Variants in LRRFIP1 observed in about 807,000 individuals in gnomAD.
LRRFIP1 encodes the protein leucine-rich repeat flightless-interacting protein 1.
In LRRFIP1, 62 loss-of-function variants were observed where a neutral mutation model predicts 104.4. The observed-to-expected ratio is 0.59, with a 90% CI of 0.48 to 0.73. The LOEUF is 0.73. LRRFIP1 is among the 30% of genes least tolerant of loss of function. LRRFIP1 has a pLI of 0.00. For missense variants in LRRFIP1, 796 were observed against 824.5 expected (o/e 0.97, Z 0.42); for synonymous variants, 300 against 299.0 (o/e 1.00, Z -0.03).
intron 2 of LRRFIP1, 65 bp from the exon 3 acceptor site, chr2:237,714,194 A>G (rs936795835): frequency 2.6e-6 from 3 of 1,163,030 alleles, no homozygotes; most frequent in Non-Finnish European, 3.8e-6. Flanking sequence ...AGAACCTTTC[A>G]TTCTGATGTT....
Position 237,642,423 on chromosome 2 carries a change from G to A in LRRFIP1, c.96+14683G>A, listed in dbSNP as rs536170577. Among the ~76,000 whole-genome samples the A allele has an allele frequency of 1.2e-4, 18 of 152,002 alleles. No individual in the cohort carries two copies. The East Asian group carries it at 2.7e-3, about 23-fold the overall frequency. ...TCCAGGCTCCAGGTTCCAGGCTAAG[G>A]GTTTCAGCTTCCGGGTTCCAGGCTC... On this transcript the variant is annotated intron_variant, in intron 1 of 23. Transcript: ENST00000308482.
Position 237,698,475 on chromosome 2 carries a change from G to A in LRRFIP1, c.97-10069G>A, listed in dbSNP as rs570543310. Among the ~76,000 whole-genome samples the A allele has an allele frequency of 1.2e-4, 19 of 152,334 alleles. No homozygotes were observed. In the East Asian group the frequency reaches 3.1e-3, roughly 25 times the overall value. ...GCAGCCATAGCTGAGAGAAGCAGTCGGCACCCAGCATTTCTTGGACTTGTC... is the reference window on the plus strand; with the variant it reads ...GCAGCCATAGCTGAGAGAAGCAGTCAGCACCCAGCATTTCTTGGACTTGTC... On this transcript the variant is annotated intron_variant, in intron 1 of 23. Transcript: ENST00000308482.
At chr2:237,765,955 C>G (rs531247399) in intron 19 of LRRFIP1, 1 of 976,858 alleles carries the variant, frequency 1.0e-6, no homozygotes, top group African/African-American at 1.8e-5. Context: ...AAGTCTGAGT[C>G]TGACTACTGT....
intron 1 of LRRFIP1, among the ~76,000 whole-genome samples, chr2:237,695,474 A>G (rs1485073184): frequency 1.3e-5 from 2 of 152,236 alleles, no homozygotes; most frequent in African/African-American, 4.8e-5. Context: ...TTGGTCCTCA[A>G]AAGGCAATGT....
At chr2:237,770,506 G>A (rs907854614) in intron 20 of LRRFIP1, 2 of 155,272 alleles carry the variant, frequency 1.3e-5, no homozygotes, top group Admixed American at 6.4e-5. Context: ...ACCTCAAGAA[G>A]TAGCAGGCCA....
At position 237,671,466 on chromosome 2, in the gene LRRFIP1, G is replaced by A. The variant is rs78406444; in HGVS notation, c.97-37078G>A. On this transcript the variant is annotated intron_variant, in intron 1 of 23. Coordinates refer to ENST00000308482, the MANE Select transcript of LRRFIP1 (RefSeq NM_001137550.2). ...GGTTGGGTACTTTAAAGTTGGAGAC[G>A]TTTAAATCAGAGATAAACCTATTGT... is the stretch of plus-strand genomic sequence containing the variant. 4.3e-3 allele frequency among the ~76,000 whole-genome samples: 657 copies of A among 152,310 alleles called. 6 individuals carry two copies. Among genetic ancestry groups the A allele is most frequent in the African/African-American group, 0.015 (630 of 41,558 alleles).
At chr2:237,668,933 T>C (rs1170779727) in intron 1 of LRRFIP1, among the ~76,000 whole-genome samples, 1 of 152,234 alleles carries the variant, frequency 6.6e-6, no homozygotes, top group East Asian at 1.9e-4. Flanking sequence ...TTTTTCTCCA[T>C]TCTTTTATCT....
At chr2:237,692,002 A>C in intron 1 of LRRFIP1, 1 of 151,700 alleles carries the variant, frequency 6.6e-6, no homozygotes, top group African/African-American at 3.4e-5. Flanking sequence ...GGGTGGGGAA[A>C]GGGGCGTAAC....
chr2:237,758,317 A>G (rs745354401), intron 17 of LRRFIP1, among the ~76,000 whole-genome samples: 10 of 152,166 alleles, frequency 6.6e-5, no homozygotes, highest in Non-Finnish European at 1.2e-4. Context: ...GTGTATAAAA[A>G]TAGTCTAAAT....
At chr2:237,724,148 A>G (rs865807454) in intron 7 of LRRFIP1, among the ~76,000 whole-genome samples, 1 of 151,530 alleles carries the variant, frequency 6.6e-6, no homozygotes, top group African/African-American at 2.4e-5. Flanking sequence ...ATTACTTCTT[A>G]TATGTCTCTG....
chr2:237,720,339 G>A (rs576957866), intron 5 of LRRFIP1, among the ~76,000 whole-genome samples: 92 of 151,934 alleles, frequency 6.1e-4, no homozygotes, highest in African/African-American at 1.8e-3. Context: ...TGTCTGCCTC[G>A]TGGGTCCAAG....
intron 1 of LRRFIP1, among the ~76,000 whole-genome samples, chr2:237,675,045 A>G (rs1221105595): frequency 6.6e-6 from 1 of 152,228 alleles, no homozygotes; most frequent in African/African-American, 2.4e-5. Context: ...TCACCCCAGC[A>G]ACGGGATTTC....
intron 23 of LRRFIP1, among the ~76,000 whole-genome samples, chr2:237,778,359 G>A (rs1318011200): frequency 3.3e-5 from 5 of 152,132 alleles, no homozygotes; most frequent in African/African-American, 9.7e-5. Flanking sequence ...CCAAAACCAC[G>A]TTCTCCCAGC....
intron 1 of LRRFIP1, among the ~76,000 whole-genome samples, chr2:237,662,236 A>C (rs2088148957): frequency 6.6e-6 from 1 of 152,100 alleles, no homozygotes. Context: ...CTCTGTGTGC[A>C]AATTTCTGTT....
chr2:237,733,368 T>C (rs1173456557), intron 8 of LRRFIP1, among the ~76,000 whole-genome samples: 1 of 152,212 alleles, frequency 6.6e-6, no homozygotes, highest in Non-Finnish European at 1.5e-5. Context: ...CCTGTCTTCA[T>C]GTGTGGACAT....
At chr2:237,733,570 A>C (rs182740625) in intron 8 of LRRFIP1, among the ~76,000 whole-genome samples, 2 of 152,332 alleles carry the variant, frequency 1.3e-5, no homozygotes, top group Non-Finnish European at 2.9e-5. Flanking sequence ...GTTAAAAATC[A>C]TCTCAGTTAT....
intron 19 of LRRFIP1, among the ~76,000 whole-genome samples, chr2:237,760,507 G>C (rs56230769): frequency 0.14 from 21,121 of 152,284 alleles, 1,871 homozygotes; most frequent in East Asian, 0.33. Context: ...AAGTAACAAT[G>C]TGGAGAGTAC....
At chr2:237,633,395 G>C (rs535238377) in intron 1 of LRRFIP1, among the ~76,000 whole-genome samples, 1 of 152,278 alleles carries the variant, frequency 6.6e-6, no homozygotes, top group South Asian at 2.1e-4. Context: ...AGGCCTGCTG[G>C]TCCCCAACGG....
At chr2:237,669,663 A>G (rs1423681329) in intron 1 of LRRFIP1, among the ~76,000 whole-genome samples, 1 of 152,170 alleles carries the variant, frequency 6.6e-6, no homozygotes, top group African/African-American at 2.4e-5. Flanking sequence ...TGAGGCCGTC[A>G]CGGTTTGTTG....
Sources: allele counts gnomAD v4.1 joint callset (sites outside exome capture counted in the v4.1 genomes callset), GRCh38; gene constraint gnomAD v4.1.1; transcripts MANE v1.5; gene names NCBI Gene and HGNC (gene_info 2026-07-23, HGNC 2026-07-21).